The following MARCHF3 variants were observed in gnomAD, a reference collection of about 807,000 sequenced individuals.
MARCHF3 encodes E3 ubiquitin-protein ligase MARCHF3.
In MARCHF3, 13 loss-of-function variants were observed where a neutral mutation model predicts 24.2. That is an observed-to-expected ratio of 0.54 (90% CI 0.35 to 0.85). MARCHF3 has a LOEUF of 0.85. Ranked by LOEUF, MARCHF3 falls within the 40% of genes least tolerant of loss-of-function variation. MARCHF3 has a pLI of 0.01. For synonymous variants in MARCHF3, 144 were observed against 137.3 expected, an observed-to-expected ratio of 1.05 and a Z score of -0.34; for missense variants, 276 against 325.0, an observed-to-expected ratio of 0.85 and a Z score of 1.16.
intron 3 of MARCHF3, among the ~76,000 whole-genome samples, chr5:126,887,265 C>T (rs1753538404): frequency 6.6e-6 from 1 of 152,098 alleles, no homozygotes; most frequent in African/African-American, 2.4e-5. Flanking sequence ...AAAAAAAAAT[C>T]ACATCTTTAT....
chr5:127,029,880 A>G (rs1753120369), intron 1 of MARCHF3: 1 of 152,400 alleles, frequency 6.6e-6, no homozygotes, highest in Middle Eastern at 3.4e-3. Flanking sequence ...AGCCCCCGCT[A>G]CAGAACCCGG....
In MARCHF3 at chr5:126,936,535, A is replaced by G. The variant is rs1259859598; in HGVS notation, c.-56-18308T>C. 4.6e-5 allele frequency among the ~76,000 whole-genome samples: 7 copies of G among 152,356 alleles called. No homozygotes were observed. In the East Asian group the frequency reaches 1.3e-3, roughly 29 times the overall value. ...ATGTTTGTAATTTCAAGTATAATTC[A>G]GAGAGAGAAAGATGGTATATCAATA... On this transcript the variant is annotated intron_variant, in intron 1 of 4. Transcript: ENST00000308660.
chr5:126,926,227 G>A (rs536143915), intron 1 of MARCHF3, among the ~76,000 whole-genome samples: 2 of 152,162 alleles, frequency 1.3e-5, no homozygotes, highest in African/African-American at 4.8e-5. Flanking sequence ...TTAAATCAGG[G>A]TTCCTTGGAA....
chr5:126,997,180 A>G lies in MARCHF3; in HGVS notation c.-57+33170T>C, dbSNP rs547942974. Among the ~76,000 whole-genome samples, 6 of 152,302 alleles carry G rather than the reference A, an allele frequency of 3.9e-5. No individual in the cohort carries two copies. The South Asian group carries it at 1.0e-3, about 26-fold the overall frequency. On this transcript the variant is annotated intron_variant, in intron 1 of 4. Coordinates refer to ENST00000308660, the MANE Select transcript of MARCHF3 (RefSeq NM_178450.5). The stretch of plus-strand genomic sequence containing the variant: ...AGATGTTAAATTTAACAACTATTAA[A>G]TCATTTAATTTAGTAAGTGGTTACT...
At chr5:126,904,055 T>C (rs560858440) in intron 3 of MARCHF3, among the ~76,000 whole-genome samples, 1 of 149,992 alleles carries the variant, frequency 6.7e-6, no homozygotes, top group Non-Finnish European at 1.5e-5. Flanking sequence ...TGAGTGAGAA[T>C]ATGCAGTGTT....
At chr5:126,973,545 T>TA (rs1442586024) in intron 1 of MARCHF3, among the ~76,000 whole-genome samples, 1 of 152,216 alleles carries the variant, frequency 6.6e-6, no homozygotes, top group Non-Finnish European at 1.5e-5. Flanking sequence ...AGCTAGATGC[T>TA]AAAGCAGACA....
intron 3 of MARCHF3, among the ~76,000 whole-genome samples, chr5:126,883,889 G>A (rs1398077183): frequency 6.6e-6 from 1 of 152,122 alleles, no homozygotes; most frequent in African/African-American, 2.4e-5. Flanking sequence ...TCTCCTTAAT[G>A]AGAAACCATC....
At chr5:126,987,701 A>C (rs1751613225) in intron 1 of MARCHF3, among the ~76,000 whole-genome samples, 1 of 152,228 alleles carries the variant, frequency 6.6e-6, no homozygotes, top group Admixed American at 6.5e-5. Flanking sequence ...CTGTCCAGCA[A>C]CATGCCAACA....
intron 3 of MARCHF3, among the ~76,000 whole-genome samples, chr5:126,879,360 G>C (rs776663115): frequency 6.6e-6 from 1 of 152,086 alleles, no homozygotes; most frequent in Non-Finnish European, 1.5e-5. Flanking sequence ...GGATGGTCTT[G>C]GGGATACCAA....
chr5:126,925,653 A>G (rs1580649927), intron 1 of MARCHF3, among the ~76,000 whole-genome samples: 1 of 152,226 alleles, frequency 6.6e-6, no homozygotes, highest in East Asian at 1.9e-4. Flanking sequence ...TGCACTTGTA[A>G]ATAACAACTG....
At chr5:126,983,531 C>G (rs1052003740) in intron 1 of MARCHF3, among the ~76,000 whole-genome samples, 35 of 152,172 alleles carry the variant, frequency 2.3e-4, no homozygotes, top group Non-Finnish European at 2.5e-4. Context: ...TCAGCAAAGG[C>G]TCTCGGAACT....
chr5:126,938,248 A>G (rs1275803137), intron 1 of MARCHF3, among the ~76,000 whole-genome samples: 1 of 149,032 alleles, frequency 6.7e-6, no homozygotes, highest in African/African-American at 2.5e-5. Flanking sequence ...GCTCATTGCA[A>G]TCTCTGCCTC....
chr5:126,900,233 G>A (rs73335474), intron 3 of MARCHF3, among the ~76,000 whole-genome samples: 13,744 of 152,016 alleles, frequency 0.09, 1,423 homozygotes, highest in African/African-American at 0.25. Flanking sequence ...ATAGGTTCAT[G>A]CCAATGAGCA....
At chr5:126,906,628 A>T (rs879682217) in intron 3 of MARCHF3, among the ~76,000 whole-genome samples, 1 of 152,050 alleles carries the variant, frequency 6.6e-6, no homozygotes, top group Non-Finnish European at 1.5e-5. Flanking sequence ...GTATTCTCTC[A>T]TGGTAGTTTG....
At chr5:126,935,915 T>C (rs1374469589) in intron 1 of MARCHF3, among the ~76,000 whole-genome samples, 2 of 152,118 alleles carry the variant, frequency 1.3e-5, no homozygotes, top group Non-Finnish European at 1.5e-5. Context: ...CTGGCCTATA[T>C]GGCTTTAATA....
chr5:126,921,358 ACT>A (rs138060117), intron 1 of MARCHF3, among the ~76,000 whole-genome samples: 9,243 of 152,038 alleles, frequency 0.061, 538 homozygotes, highest in African/African-American at 0.15. Flanking sequence ...AAGGAAGCAC[ACT>A]CTGCCCTGAT....
At chr5:126,908,964 G>A (rs1257600939) in intron 3 of MARCHF3, among the ~76,000 whole-genome samples, 1 of 152,114 alleles carries the variant, frequency 6.6e-6, no homozygotes, top group Admixed American at 6.5e-5. Flanking sequence ...ATCTACTTTT[G>A]GTCTTTGATG....
At chr5:126,987,918 G>T (rs1012548134) in intron 1 of MARCHF3, among the ~76,000 whole-genome samples, 2 of 151,738 alleles carry the variant, frequency 1.3e-5, no homozygotes, top group African/African-American at 2.4e-5. Flanking sequence ...GATCTATAAA[G>T]AAATTGAAAA....
chr5:126,941,413 A>G (rs1749824976), intron 1 of MARCHF3, among the ~76,000 whole-genome samples: 5 of 152,024 alleles, frequency 3.3e-5, no homozygotes, highest in Admixed American at 3.3e-4. Context: ...TGTGGAGGAA[A>G]ATCTTGACAC....
Sources: gnomAD v4.1 joint callset for allele counts (sites outside exome capture counted in the v4.1 genomes callset) on GRCh38, gnomAD v4.1.1 for gene constraint, MANE v1.5 for transcripts, NCBI Gene and HGNC (gene_info 2026-07-23, HGNC 2026-07-21) for gene names.